The following CCDC180 variants were observed in gnomAD, a reference collection of about 807,000 sequenced individuals.
CCDC180 encodes the protein coiled-coil domain containing 180.
CCDC180 carries 154 observed loss-of-function variants against 209.2 expected under a neutral mutation model. That is an observed-to-expected ratio of 0.74 (90% CI 0.65 to 0.84). The LOEUF is 0.84. Among genes scored for constraint, CCDC180 ranks in the 40% least tolerant of loss-of-function variants. The pLI, the probability that CCDC180 is intolerant of heterozygous loss-of-function variation, is 0.00. For missense variants in CCDC180, 1,874 were observed against 1,997.3 expected, an observed-to-expected ratio of 0.94 and a Z score of 1.18; for synonymous variants, 778 against 749.1, an observed-to-expected ratio of 1.04 and a Z score of -0.63.
At chr9:97,326,976 C>G (rs570122404) in intron 15 of CCDC180, among the ~76,000 whole-genome samples, 22 of 152,270 alleles carry the variant, frequency 1.4e-4, no homozygotes, top group Admixed American at 3.9e-4. Flanking sequence ...CAAGACCAAG[C>G]TGGCCAACAT....
intron 18 of CCDC180, among the ~76,000 whole-genome samples, chr9:97,339,907 T>C (rs1253292075): frequency 6.6e-6 from 1 of 152,206 alleles, no homozygotes. Flanking sequence ...TTTCATTAAT[T>C]TGACCTTCAA....
chr9:97,365,213 T>C (rs1239054461), intron 29 of CCDC180: 1 of 155,380 alleles, frequency 6.4e-6, no homozygotes, highest in East Asian at 1.9e-4. Context: ...CCATTCATTC[T>C]GAGTTACGTT....
chr9:97,332,761 A>G (rs559012278), intron 18 of CCDC180, among the ~76,000 whole-genome samples: 1 of 152,296 alleles, frequency 6.6e-6, no homozygotes, highest in South Asian at 2.1e-4. Flanking sequence ...TATCAGATCA[A>G]GGGGCTCTGG....
rs561709807 is a variant in CCDC180 at position 97,309,550 on chromosome 9, A to G, written c.206A>G (p.Lys69Arg). The change falls in exon 3 of 37, where the codon AAG becomes AGG. Residue 69 changes from lysine (K) to arginine (R), a missense_variant. Lys to Arg is a conservative substitution (Grantham distance 26, BLOSUM62 2). Transcript: ENST00000529487. Reference protein sequence around the residue: ...EGEVMSPRQQKWMHSLPNDWI... With the variant: ...EGEVMSPRQQRWMHSLPNDWI... ...GAGGTGATGTCTCCCCGACAGCAGA[A>G]GTGGATGCACAGCCTCCCCAACGAC... 5.3e-5 allele frequency: 85 copies of G among 1,595,704 alleles called. No homozygotes were observed. The South Asian group carries it at 9.5e-4, about 18-fold the overall frequency.
At chr9:97,361,956 T>A in intron 27 of CCDC180, 58 bp downstream of exon 27, 6 of 1,575,070 alleles carry the variant, frequency 3.8e-6, no homozygotes, top group Non-Finnish European at 5.2e-6. Context: ...GCCCTGGACC[T>A]TCAGGGACCA....
In CCDC180 at chr9:97,357,784, AAT is replaced by A. The variant is rs1021668213; in HGVS notation, c.3363+60_3363+61del. ...AAAGATATATCATGCTAAAGTCATA[AAT>A]GTGAAATAAATTTACCTGTGTGTAT... On this transcript the variant is annotated intron_variant, in intron 25 of 36. Coordinates refer to ENST00000529487, the MANE Select transcript of CCDC180 (RefSeq NM_020893.6). The A allele has an allele frequency of 4.0e-5, 55 of 1,362,680 alleles. 1 individual carries two copies. The highest frequency in any genetic ancestry group is 8.7e-5 in the South Asian group (7 of 80,130). The allele number at this position is 1,362,680 out of a possible 1,614,324, so 84.4% of individuals were successfully genotyped here. A position where few individuals can be genotyped will look rare whatever the true frequency, so the allele number is the denominator to read the frequency against.
At chr9:97,307,630 A>T, upstream of CCDC180, 1 of 1,069,182 alleles carries the variant, frequency 9.4e-7, no homozygotes, top group South Asian at 1.4e-5. Context: ...TCTGCGCCGC[A>T]TTAGAGTTCC....
At position 97,366,643 on chromosome 9, in the gene CCDC180, A is replaced by G. The variant is rs745388501; in HGVS notation, c.4132A>G (p.Lys1378Glu). Residue 1378 changes from lysine to glutamate, a missense_variant, in exon 31 of 37, where the codon AAA (lysine) becomes GAA (glutamate). By Grantham distance (56) the Lys-to-Glu change is moderately conservative. Coordinates refer to ENST00000529487, the MANE Select transcript of CCDC180 (RefSeq NM_020893.6). This position sits in a 1 kb window ranked among gnomAD's most constrained non-coding sequence, Gnocchi z 4.3. ...TGACCAGTGCGCCGAGAACATTAGC[A>G]AAAAGATCCTGGAGTATCAGAGCCA... The part of the protein sequence containing the change: ...TFDQCAENIS[K>E]KILEYQSQAN... 5 of 1,614,220 alleles carry G rather than the reference A, an allele frequency of 3.1e-6. No homozygotes were observed. Among genetic ancestry groups the G allele is most frequent in the Non-Finnish European group, 3.4e-6 (4 of 1,180,036 alleles).
At chr9:97,323,943 G>A (rs1461763980) in intron 13 of CCDC180, 40 bp downstream of exon 13, 2 of 1,547,220 alleles carry the variant, frequency 1.3e-6, no homozygotes, top group Non-Finnish European at 1.7e-6. Flanking sequence ...GCTGAGGTGG[G>A]GTTGGGGGTC....
intron 18 of CCDC180, among the ~76,000 whole-genome samples, chr9:97,332,664 G>A (rs1825787605): frequency 6.6e-6 from 1 of 152,026 alleles, no homozygotes. Context: ...TCCTGATTTG[G>A]CTCTCGGCTT....
intron 12 of CCDC180, 80 bp from the exon 13 acceptor site, chr9:97,323,701 G>A (rs112043433): frequency 1.4e-5 from 21 of 1,463,510 alleles, no homozygotes; most frequent in African/African-American, 1.4e-4. Flanking sequence ...CTTGTGCAAC[G>A]CTGAGGCCTG....
chr9:97,372,086 C>G (rs1262624099), intron 34 of CCDC180: 4 of 160,228 alleles, frequency 2.5e-5, no homozygotes, highest in African/African-American at 9.6e-5. Flanking sequence ...TCACAACTTA[C>G]AGATCAGAGA....
chr9:97,311,423 C>T (rs900169043), intron 3 of CCDC180, among the ~76,000 whole-genome samples: 5 of 152,214 alleles, frequency 3.3e-5, no homozygotes, highest in Admixed American at 6.5e-5. Context: ...ACATATGGGG[C>T]GCCCAAGGAA....
At chr9:97,332,459 C>G (rs1361676388) in intron 18 of CCDC180, among the ~76,000 whole-genome samples, 1 of 152,094 alleles carries the variant, frequency 6.6e-6, no homozygotes, top group African/African-American at 2.4e-5. Context: ...TTGCTTTGAG[C>G]AGTATGGCCA....
Position 97,359,950 on chromosome 9 carries a change from C to T in CCDC180, c.3364-32C>T, listed in dbSNP as rs374976509. On this transcript the variant is annotated intron_variant, in intron 25 of 36. Transcript: ENST00000529487. ...TACCCACCCTCCTGCAGTCTGCTTC[C>T]TTGGGGCTTTCTTCCTCCCTTTTCT... is the stretch of plus-strand genomic sequence containing the variant. 90 of 1,612,060 alleles carry T rather than the reference C, an allele frequency of 5.6e-5. No individual in the cohort carries two copies. In the African/African-American group the frequency reaches 1.1e-3, roughly 20 times the overall value.
intron 18 of CCDC180, among the ~76,000 whole-genome samples, chr9:97,339,191 T>A (rs1256384416): frequency 1.3e-5 from 2 of 152,244 alleles, no homozygotes; most frequent in Non-Finnish European, 2.9e-5. Flanking sequence ...GTGAATTTGA[T>A]CCTGTCATTA....
intron 19 of CCDC180, among the ~76,000 whole-genome samples, chr9:97,346,661 G>A (rs1432648105): frequency 6.6e-6 from 1 of 152,230 alleles, no homozygotes; most frequent in Admixed American, 6.5e-5. Flanking sequence ...CGCCCAGGCT[G>A]GAGTTCAGTG....
Position 97,330,270 on chromosome 9 carries a change from G to C in CCDC180, c.1829-52G>C. The C allele has an allele frequency of 2.5e-6, 4 of 1,610,410 alleles. No individual in the cohort carries two copies. In the South Asian group the frequency reaches 3.3e-5, roughly 13 times the overall value. ...TTTGTGGGTTGGGAGGCCCAATCCA[G>C]GCAGCATCAGTAAATTGTCTCTCCT... On this transcript the variant is annotated intron_variant, in intron 17 of 36. Transcript: ENST00000529487.
Position 97,310,684 on chromosome 9 carries a change from T to C in CCDC180, c.260+1080T>C, listed in dbSNP as rs189426173. Among the ~76,000 whole-genome samples, 5 of 152,242 alleles carry C rather than the reference T, an allele frequency of 3.3e-5. No homozygotes were observed. In the East Asian group the frequency reaches 9.7e-4, roughly 30 times the overall value. ...CCTGTCTTGGTTGTTCCTTTCACCC[T>C]CTTTGGGGCAGGGACAGACCCCTTG... is the stretch of plus-strand genomic sequence containing the variant. On this transcript the variant is annotated intron_variant, in intron 3 of 36. Transcript: ENST00000529487.
Sources: gnomAD v4.1 joint callset for allele counts (sites outside exome capture counted in the v4.1 genomes callset) on GRCh38, gnomAD v4.1.1 for gene constraint, Gnocchi (gnomAD v3.1) non-coding constraint, MANE v1.5 for transcripts, NCBI Gene and HGNC (gene_info 2026-07-23, HGNC 2026-07-21) for gene names.